The following TBC1D31 variants were observed in gnomAD, a reference collection of about 807,000 sequenced individuals.
The protein encoded by TBC1D31 is TBC1 domain family member 31, also known as WD repeat domain 67.
Under a neutral mutation model 132.9 loss-of-function variants are expected in TBC1D31, and 99 were observed. That is an observed-to-expected ratio of 0.74 (90% CI 0.63 to 0.88). The LOEUF (loss-of-function observed/expected upper bound fraction) is 0.88. Among genes scored for constraint, TBC1D31 ranks in the 40% least tolerant of loss-of-function variants. The probability of loss-of-function intolerance (pLI) is 0.00; values close to 1 mark genes in which losing one functional copy is unlikely to be tolerated. For synonymous variants in TBC1D31, 385 were observed against 419.4 expected (o/e 0.92, Z 1.00); for missense variants, 1,134 against 1,256.6 (o/e 0.90, Z 1.48).
At chr8:123,114,983 A>T (rs900780916) in intron 10 of TBC1D31, among the ~76,000 whole-genome samples, 1 of 152,190 alleles carries the variant, frequency 6.6e-6, no homozygotes, top group African/African-American at 2.4e-5. Context: ...TTCAGGATTT[A>T]AGTCTTCATC....
intron 9 of TBC1D31, 36 bp downstream of exon 9, chr8:123,109,432 C>T (rs2130535671): frequency 6.2e-7 from 1 of 1,608,718 alleles, no homozygotes; most frequent in Non-Finnish European, 8.5e-7. Flanking sequence ...ATCAGTTTTA[C>T]TCAAAAAAAA....
chr8:123,099,754 T>C (rs1314754532), intron 6 of TBC1D31, among the ~76,000 whole-genome samples: 2 of 152,188 alleles, frequency 1.3e-5, no homozygotes, highest in East Asian at 3.9e-4. Flanking sequence ...TGCTGCTGTA[T>C]TGGAATACCA....
intron 11 of TBC1D31, among the ~76,000 whole-genome samples, chr8:123,125,234 T>C (rs1366320934): frequency 6.6e-6 from 1 of 152,204 alleles, no homozygotes; most frequent in Non-Finnish European, 1.5e-5. Context: ...CATAGTCTTA[T>C]TGAACAAAAC....
At chr8:123,149,046 T>TA (rs879323924) in intron 20 of TBC1D31, among the ~76,000 whole-genome samples, 95 of 144,530 alleles carry the variant, frequency 6.6e-4, no homozygotes, top group East Asian at 2.8e-3. Context: ...AGATTCCGTC[T>TA]AAAAAAAAAA....
chr8:123,157,719 G>GCGCGCACACACA, the TBC1D31 span, among the ~76,000 whole-genome samples: 2 of 147,934 alleles, frequency 1.4e-5, no homozygotes, highest in African/African-American at 2.5e-5. Context: ...GCGCGCGCGC[G>GCGCGCACACACA]CACACACACA....
rs1815299806 is a variant in TBC1D31, at chr8:123,082,748, T to TA, written c.271_272insA (p.Phe91TyrfsTer2). 7.4e-6 allele frequency: 12 copies of TA among 1,613,314 alleles called. No individual in the cohort carries two copies. Among genetic ancestry groups the TA allele is most frequent in the Non-Finnish European group, 1.0e-5 (12 of 1,179,986 alleles). On this transcript the variant is annotated frameshift_variant, in exon 3 of 22. Coordinates refer to ENST00000287380, the MANE Select transcript of TBC1D31 (RefSeq NM_145647.4). LOFTEE classifies it high-confidence loss of function. ...AGCACAAGCTTGCACAGCTCTGGCC[T>TA]TTAATCTTCGTAGGAAATCTGAATT...
chr8:123,129,115 G>A lies in TBC1D31; in HGVS notation c.2167G>A (p.Asp723Asn), dbSNP rs1202482451. ...TAAAGTCGACCAGCAAAGAGTTGAA[G>A]ATGAAGCTTGGTACCAGAAACAGGA... Reference protein sequence around the residue: ...QAKVDQQRVEDEAWYQKQELL... With the variant: ...QAKVDQQRVENEAWYQKQELL... The change falls in exon 15 of 22, where the codon GAT becomes AAT. Residue 723 changes from aspartate (D) to asparagine (N), a missense_variant. Asp to Asn is a conservative substitution (Grantham distance 23, BLOSUM62 1). Coordinates refer to ENST00000287380, the MANE Select transcript of TBC1D31 (RefSeq NM_145647.4). 6.2e-7 allele frequency: 1 copy of A among 1,610,408 alleles called. No individual in the cohort carries two copies. Among genetic ancestry groups the A allele is most frequent in the South Asian group, 1.1e-5 (1 of 90,658 alleles).
intron 4 of TBC1D31, among the ~76,000 whole-genome samples, chr8:123,087,828 T>TA (rs1815921740): frequency 6.6e-6 from 1 of 152,110 alleles, no homozygotes; most frequent in Admixed American, 6.5e-5. Context: ...GCTATAAGAA[T>TA]AAAACTAAAT....
intron 17 of TBC1D31, among the ~76,000 whole-genome samples, chr8:123,138,862 T>C (rs1319974185): frequency 6.6e-6 from 1 of 152,132 alleles, no homozygotes; most frequent in Admixed American, 6.6e-5. Context: ...CAGGCTGGAG[T>C]GCAGTGGCGT....
chr8:123,097,469 A>G (rs570563879), intron 6 of TBC1D31, 28 bp downstream of exon 6: 3 of 1,603,668 alleles, frequency 1.9e-6, no homozygotes, highest in African/African-American at 1.3e-5. Context: ...AGGGCACTGT[A>G]CTTTTTGAGA....
intron 19 of TBC1D31, among the ~76,000 whole-genome samples, chr8:123,144,213 T>C (rs7844632): frequency 6.6e-6 from 1 of 152,128 alleles, no homozygotes; most frequent in Non-Finnish European, 1.5e-5. Context: ...CCTTCTGAGC[T>C]AATTTTAAGA....
chr8:123,073,510 C>T (rs1814145411), intron 1 of TBC1D31: 1 of 420,856 alleles, frequency 2.4e-6, no homozygotes, highest in Non-Finnish European at 4.7e-6. Flanking sequence ...ATTCTGTTCC[C>T]AGTTACCTGT....
At chr8:123,112,873 T>C (rs1355583360) in intron 10 of TBC1D31, among the ~76,000 whole-genome samples, 1 of 152,224 alleles carries the variant, frequency 6.6e-6, no homozygotes, top group East Asian at 1.9e-4. Context: ...CTTACTATGC[T>C]TCCTGTCTGT....
intron 2 of TBC1D31, 21 bp downstream of exon 2, chr8:123,077,278 T>G: frequency 1.3e-6 from 2 of 1,576,960 alleles, no homozygotes; most frequent in Non-Finnish European, 1.7e-6. Flanking sequence ...ACCATTGATA[T>G]CTACGTTCTT....
intron 4 of TBC1D31, among the ~76,000 whole-genome samples, chr8:123,089,087 T>G (rs971329231): frequency 1.3e-5 from 2 of 152,272 alleles, no homozygotes; most frequent in South Asian, 4.1e-4. Flanking sequence ...AATTTGAAAT[T>G]TTTTGAGTGC....
intron 10 of TBC1D31, among the ~76,000 whole-genome samples, chr8:123,111,093 T>G (rs1241060955): frequency 4.6e-5 from 6 of 131,344 alleles, no homozygotes. Context: ...GAGTCAAGGT[T>G]TTTTTTTTCC....
chr8:123,150,005 C>T (rs1822620390), intron 20 of TBC1D31, 31 bp from the exon 21 acceptor site: 2 of 1,547,738 alleles, frequency 1.3e-6, no homozygotes, highest in Admixed American at 1.7e-5. Flanking sequence ...CACTCCCAAA[C>T]ATCATCTTAA....
chr8:123,139,265 C>A (rs1182601861), intron 17 of TBC1D31, among the ~76,000 whole-genome samples: 3 of 151,948 alleles, frequency 2.0e-5, no homozygotes, highest in Admixed American at 6.6e-5. Flanking sequence ...CCTGATAGAC[C>A]CATCATAAAA....
the TBC1D31 span, among the ~76,000 whole-genome samples, chr8:123,160,428 G>GGAAGAGGGAGGAT: frequency 1.3e-5 from 2 of 150,172 alleles, no homozygotes; most frequent in Admixed American, 1.3e-4. Context: ...GAGGAGGGGA[G>GGAAGAGGGAGGAT]GGAGAGGAAG....
Sources: allele counts gnomAD v4.1 joint callset (sites outside exome capture counted in the v4.1 genomes callset), GRCh38; gene constraint gnomAD v4.1.1; transcripts MANE v1.5; gene names NCBI Gene and HGNC (gene_info 2026-07-23, HGNC 2026-07-21).